The following DUSP8 variants were observed in gnomAD, a reference collection of about 807,000 sequenced individuals.
DUSP8 encodes dual specificity protein phosphatase 8.
In DUSP8, 15 loss-of-function variants were observed where a neutral mutation model predicts 38.7. The observed-to-expected ratio is 0.39, with a 90% CI of 0.26 to 0.60. The LOEUF is 0.60. Among genes scored for constraint, DUSP8 ranks in the 20% least tolerant of loss-of-function variants. The pLI, the probability that DUSP8 is intolerant of heterozygous loss-of-function variation, is 0.56. For synonymous variants in DUSP8, 458 were observed against 433.9 expected, an observed-to-expected ratio of 1.06 and a Z score of -0.69; for missense variants, 768 against 915.0, an observed-to-expected ratio of 0.84 and a Z score of 2.07.
intron 1 of DUSP8, among the ~76,000 whole-genome samples, chr11:1,566,455 C>G (rs1341592411): frequency 6.6e-6 from 1 of 152,152 alleles, no homozygotes; most frequent in Non-Finnish European, 1.5e-5. Context: ...GCTCCGTAAG[C>G]CGATAATCCA....
At chr11:1,572,280 C>T (rs1848917643), upstream of DUSP8, among the ~76,000 whole-genome samples, 1 of 148,836 alleles carries the variant, frequency 6.7e-6, no homozygotes, top group Non-Finnish European at 1.5e-5. The surrounding 1 kb of genome is among the most constrained non-coding windows in gnomAD (Gnocchi z 4.7). Context: ...GTGACAGGCC[C>T]GGGGCGGAGG....
At chr11:1,561,166 CTT>C (rs1386798252) in intron 3 of DUSP8, among the ~76,000 whole-genome samples, 1 of 152,072 alleles carries the variant, frequency 6.6e-6, no homozygotes, top group Non-Finnish European at 1.5e-5. Flanking sequence ...TCCCAGCACT[CTT>C]TGGGCCCTGG....
At position 1,557,494 on chromosome 11, in the gene DUSP8, T is replaced by G. The variant is rs1329762216; in HGVS notation, c.902A>C (p.Lys301Thr). 47 of 1,582,434 alleles carry G rather than the reference T, an allele frequency of 3.0e-5. No homozygotes were observed. Among genetic ancestry groups the G allele is most frequent in the Non-Finnish European group, 4.0e-5 (47 of 1,173,524 alleles). ...GQLLEYERSL[K>T]LLAALQGDPG... ...GTCGCCCTGCAGGGCGGCCAGCAGC[T>G]TCAGGCTGCGCTCGTACTCCAGCAG... The change falls in exon 7 of 7, where the codon AAG becomes ACG. Residue 301 changes from lysine to threonine, a missense_variant. Lys to Thr is a moderately conservative substitution (Grantham distance 78, BLOSUM62 -1). Coordinates refer to ENST00000397374, the MANE Select transcript of DUSP8 (RefSeq NM_004420.3). This position sits in a 1 kb window ranked among gnomAD's most constrained non-coding sequence, Gnocchi z 9.9.
chr11:1,556,655 T>C lies in DUSP8; in HGVS notation c.1741A>G (p.Thr581Ala). The change falls in exon 7 of 7, where the codon ACG (threonine) becomes GCG (alanine). Residue 581 changes from threonine (T) to alanine (A), a missense_variant. Transcript: ENST00000397374. This position sits in a 1 kb window ranked among gnomAD's most constrained non-coding sequence, Gnocchi z 5.2. ...TGWPEEPAPE[T>A]QFKRRSCQME... Reference sequence around the variant, plus strand: ...TGGCAGCTGCGGCGCTTGAACTGCGTCTCCGGGGCCGGCTCCTCGGGCCAG... The same window carrying C: ...TGGCAGCTGCGGCGCTTGAACTGCGCCTCCGGGGCCGGCTCCTCGGGCCAG... The C allele has an allele frequency of 7.1e-7, 1 of 1,403,602 alleles. No individual in the cohort carries two copies. Among genetic ancestry groups the C allele is most frequent in the Non-Finnish European group, 9.3e-7 (1 of 1,074,178 alleles). 86.9% of individuals were successfully genotyped at this position (1,403,602 alleles called of 1,614,324 possible).
intron 1 of DUSP8, among the ~76,000 whole-genome samples, chr11:1,569,562 C>A (rs1179944037): frequency 6.6e-6 from 1 of 152,160 alleles, no homozygotes; most frequent in African/African-American, 2.4e-5. Context: ...AACCCCAGGA[C>A]TCCAGTACCC....
rs536989408 is a variant in DUSP8 at position 1,569,162 on chromosome 11, G to C, written c.-109+2739C>G. ...CTGCTATTCCAGTGCCTAGGGGTTGGGGGGTGAGAGGCAGGGCTGGGGACA... is the reference window on the plus strand; with the variant it reads ...CTGCTATTCCAGTGCCTAGGGGTTGCGGGGTGAGAGGCAGGGCTGGGGACA... On this transcript the variant is annotated intron_variant, in intron 1 of 6. Coordinates refer to ENST00000397374, the MANE Select transcript of DUSP8 (RefSeq NM_004420.3). Among the ~76,000 whole-genome samples the C allele has an allele frequency of 9.9e-5, 15 of 152,262 alleles. 1 individual carries two copies. In the East Asian group the frequency reaches 1.9e-3, roughly 20 times the overall value.
rs1237668647 is a variant in DUSP8, at chr11:1,558,944, A to G, written c.482T>C (p.Leu161Pro). The change falls in exon 4 of 7, where the codon CTG (leucine) becomes CCG (proline). Residue 161 changes from leucine to proline, a missense_variant. By Grantham distance (98) the Leu-to-Pro change is moderately conservative. Coordinates refer to ENST00000397374, the MANE Select transcript of DUSP8 (RefSeq NM_004420.3). The surrounding 1 kb of genome is among the most constrained non-coding windows in gnomAD (Gnocchi z 6.3). ...GTAGAGGTGAGGCAGGATGCGGGTC[A>G]GGCCCACGCTGGGCACAGGCAGGCA... Reference protein sequence around the residue: ...QPCLPVPSVGLTRILPHLYLG... With the variant: ...QPCLPVPSVGPTRILPHLYLG... 12 of 1,612,892 alleles carry G rather than the reference A, an allele frequency of 7.4e-6. No homozygotes were observed. Among genetic ancestry groups the G allele is most frequent in the Non-Finnish European group, 1.0e-5 (12 of 1,179,758 alleles).
In DUSP8 at chr11:1,565,651, A is replaced by G. The variant is rs1472176793; in HGVS notation, c.176T>C (p.Leu59Pro). 1 of 1,611,170 alleles carries G rather than the reference A, an allele frequency of 6.2e-7. No homozygotes were observed. Among genetic ancestry groups the G allele is most frequent in the Non-Finnish European group, 8.5e-7 (1 of 1,179,356 alleles). The change falls in exon 2 of 7, where the codon CTG (leucine) becomes CCG (proline). Residue 59 changes from leucine (L) to proline (P), a missense_variant. By Grantham distance (98) the Leu-to-Pro change is moderately conservative (BLOSUM62 -3). Around this residue, in one of 3 missense-constraint regions of DUSP8, gnomAD observed 252 missense variants for 410.4 expected, o/e 0.61. Transcript: ENST00000397374. ...ICCSKLVKRR[L>P]QQGKVTIAEL... ...CGCAATGGTCACCTTGCCCTGCTGCAGCCGCCGCTTCACCAGCTTGGAGCA... is the reference window on the plus strand; with the variant it reads ...CGCAATGGTCACCTTGCCCTGCTGCGGCCGCCGCTTCACCAGCTTGGAGCA...
chr11:1,567,136 G>A, intron 1 of DUSP8, among the ~76,000 whole-genome samples: 1 of 152,172 alleles, frequency 6.6e-6, no homozygotes, highest in Non-Finnish European at 1.5e-5. Context: ...CATCTTCCCT[G>A]TGCCCCCACA....
At position 1,556,913 on chromosome 11, in the gene DUSP8, C is replaced by G; in HGVS notation, c.1483G>C (p.Gly495Arg). 6 of 1,080,754 alleles carry G rather than the reference C, an allele frequency of 5.6e-6. No homozygotes were observed. Among genetic ancestry groups the G allele is most frequent in the Non-Finnish European group, 6.7e-6 (6 of 893,168 alleles). 66.9% of individuals were successfully genotyped at this position (1,080,754 alleles called of 1,614,324 possible). The change falls in exon 7 of 7, where the codon GGG (glycine) becomes CGG (arginine). Residue 495 changes from glycine to arginine, a missense_variant. By Grantham distance (125) the Gly-to-Arg change is moderately radical. Around this residue, in one of 3 missense-constraint regions of DUSP8, gnomAD observed 474 missense variants for 430.8 expected, o/e 1.10. Coordinates refer to ENST00000397374, the MANE Select transcript of DUSP8 (RefSeq NM_004420.3). This position sits in a 1 kb window ranked among gnomAD's most constrained non-coding sequence, Gnocchi z 5.2. ...GCCGGCTGGCCAGGGCCGGGCAGCC[C>G]GGGCGCCGACAGGGCCGAGAGGCCG... ...RHGLSALSAP[G>R]LPGPGQPAGP...
At chr11:1,567,840 G>T (rs116420422) in intron 1 of DUSP8, among the ~76,000 whole-genome samples, 4,225 of 152,254 alleles carry the variant, frequency 0.028, 193 homozygotes, top group African/African-American at 0.095. Flanking sequence ...AAGTTCAACA[G>T]CAAAAGGGCC....
In DUSP8 at chr11:1,558,089, C is replaced by T. The variant is rs749070851; in HGVS notation, c.697+23G>A. On this transcript the variant is annotated intron_variant, in intron 5 of 6. Coordinates refer to ENST00000397374, the MANE Select transcript of DUSP8 (RefSeq NM_004420.3). This position sits in a 1 kb window ranked among gnomAD's most constrained non-coding sequence, Gnocchi z 6.3. ...TAGCCTTCCTCTAGCCAGGTCCCTG[C>T]CCTCCGCCCACCGCAGACTCACCGA... is the stretch of plus-strand genomic sequence containing the variant. 6 of 1,611,766 alleles carry T rather than the reference C, an allele frequency of 3.7e-6. No individual in the cohort carries two copies. The South Asian group carries it at 6.6e-5, about 18-fold the overall frequency.
In DUSP8 at chr11:1,554,606, C is replaced by T; in HGVS notation, c.*1912G>A. On this transcript the variant is annotated 3_prime_UTR_variant, in exon 7 of 7. Transcript: ENST00000397374. ...AGACAGACTGAGACAGACAGCCCCC[C>T]TCAACGGCCTGCAGAAGGGACAAGG... is the stretch of plus-strand genomic sequence containing the variant. 1 of 985,818 alleles carries T rather than the reference C, an allele frequency of 1.0e-6. No homozygotes were observed. The highest frequency in any genetic ancestry group is 1.2e-6 in the Non-Finnish European group (1 of 828,232). 61.1% of individuals were successfully genotyped at this position (985,818 alleles called of 1,614,324 possible).
rs994382286 is a variant in DUSP8, at chr11:1,556,775, G to C, written c.1621C>G (p.Pro541Ala). ...CCCGGGGCGCCCGCCCGGCCGAAGG[G>C]CGCAAACAGCACCCCGCCCGCCCCC... is the stretch of plus-strand genomic sequence containing the variant. ...AQGAGGVLFA[P>A]FGRAGAPGPG... The change falls in exon 7 of 7, where the codon CCC becomes GCC. Residue 541 changes from proline (P) to alanine (A), a missense_variant. Pro to Ala is a conservative substitution (Grantham distance 27). This residue lies in a region of DUSP8 where 474 missense variants were observed against 430.8 expected (regional missense o/e 1.10). Transcript: ENST00000397374. The surrounding 1 kb of genome is among the most constrained non-coding windows in gnomAD (Gnocchi z 5.2). 8.4e-7 allele frequency: 1 copy of C among 1,190,362 alleles called. No individual in the cohort carries two copies. The highest frequency in any genetic ancestry group is 1.0e-6 in the Non-Finnish European group (1 of 961,620). The allele number at this position is 1,190,362 out of a possible 1,614,324, so 73.7% of individuals were successfully genotyped here.
chr11:1,565,920 C>A lies in DUSP8; in HGVS notation c.-94G>T. ...TGGCCTCGCGCTGGGAGTGACCTAG[C>A]ACATGGTGCTGGACCTGCAGGGACA... On this transcript the variant is annotated 5_prime_UTR_variant, in exon 2 of 7. Coordinates refer to ENST00000397374, the MANE Select transcript of DUSP8 (RefSeq NM_004420.3). 9.2e-7 allele frequency: 1 copy of A among 1,089,594 alleles called. No homozygotes were observed. The highest frequency in any genetic ancestry group is 1.4e-6 in the Non-Finnish European group (1 of 726,312). The allele number at this position is 1,089,594 out of a possible 1,614,324, so 67.5% of individuals were successfully genotyped here.
rs1590801506 is a variant in DUSP8, at chr11:1,558,312, G to C, written c.538-41C>G. Reference sequence around the variant, plus strand: ...GGCGGGTTGGAAAGGGGTGGGAGAAGCTCGGGGCGGGAGTGAAGGTGGAGG... The same window carrying C: ...GGCGGGTTGGAAAGGGGTGGGAGAACCTCGGGGCGGGAGTGAAGGTGGAGG... On this transcript the variant is annotated intron_variant, in intron 4 of 6. Coordinates refer to ENST00000397374, the MANE Select transcript of DUSP8 (RefSeq NM_004420.3). The surrounding 1 kb of genome is among the most constrained non-coding windows in gnomAD (Gnocchi z 6.3). 22 of 1,229,016 alleles carry C rather than the reference G, an allele frequency of 1.8e-5. No homozygotes were observed. The East Asian group carries it at 5.7e-4, about 32-fold the overall frequency. The allele number at this position is 1,229,016 out of a possible 1,614,324, so 76.1% of individuals were successfully genotyped here. A position where few individuals can be genotyped will look rare whatever the true frequency, so the allele number is the denominator to read the frequency against.
chr11:1,570,641 C>T (rs1266855126), intron 1 of DUSP8, among the ~76,000 whole-genome samples: 1 of 152,136 alleles, frequency 6.6e-6, no homozygotes, highest in Non-Finnish European at 1.5e-5. Flanking sequence ...CACACTCGTG[C>T]AGCCCCCGGC....
Position 1,555,495 on chromosome 11 carries a change from C to T in DUSP8, c.*1023G>A, listed in dbSNP as rs565839169. The T allele has an allele frequency of 2.9e-5, 28 of 963,850 alleles. No individual in the cohort carries two copies. Among genetic ancestry groups the T allele is most frequent in the South Asian group, 4.8e-5 (1 of 20,764 alleles). The allele number at this position is 963,850 out of a possible 1,614,324, so 59.7% of individuals were successfully genotyped here. A position where few individuals can be genotyped will look rare whatever the true frequency, so the allele number is the denominator to read the frequency against. ...GCCTGGGGCATGGCTGGGAGGGGGG[C>T]GGGGCAGACCTGGAACAGAACCCTA... On this transcript the variant is annotated 3_prime_UTR_variant, in exon 7 of 7. Transcript: ENST00000397374.
rs1848584644 is a variant in DUSP8 at position 1,554,203 on chromosome 11, AC to A, written c.*2314del. On this transcript the variant is annotated 3_prime_UTR_variant, in exon 7 of 7. Coordinates refer to ENST00000397374, the MANE Select transcript of DUSP8 (RefSeq NM_004420.3). ...ACAGAGACTGGAGGCTCAGCGGGGG[AC>A]CTGCACCCTCTCCTCCGCTGGACTT... The A allele has an allele frequency of 6.6e-6, 1 of 152,002 alleles. No homozygotes were observed. The highest frequency in any genetic ancestry group is 2.1e-4 in the South Asian group (1 of 4,822). The allele number at this position is 152,002 out of a possible 1,614,324, so 9.4% of individuals were successfully genotyped here. A position where few individuals can be genotyped will look rare whatever the true frequency, so the allele number is the denominator to read the frequency against.
Sources: allele counts gnomAD v4.1 joint callset (sites outside exome capture counted in the v4.1 genomes callset), GRCh38; gene constraint gnomAD v4.1.1; regional missense constraint gnomAD v4.1.1; non-coding constraint Gnocchi (gnomAD v3.1); transcripts MANE v1.5; gene names NCBI Gene and HGNC (gene_info 2026-07-23, HGNC 2026-07-21).